The following RIMKLA variants were observed in gnomAD, a reference collection of about 807,000 sequenced individuals.
The protein encoded by RIMKLA is ribosomal modification protein rimK like family member A, also known as N-acetylaspartylglutamate synthase A.
RIMKLA carries 14 observed loss-of-function variants against 32.7 expected under a neutral mutation model. The ratio of observed to expected loss-of-function variants is 0.43; its 90% CI spans 0.28 to 0.67. The LOEUF (loss-of-function observed/expected upper bound fraction) is 0.67, where lower values mean the gene tolerates loss of function less well. RIMKLA is among the 30% of genes least tolerant of loss of function. RIMKLA has a pLI of 0.18. For synonymous variants in RIMKLA, 176 were observed against 204.1 expected (o/e 0.86, Z 1.18); for missense variants, 410 against 519.0 (o/e 0.79, Z 2.04).
intron 1 of RIMKLA, among the ~76,000 whole-genome samples, chr1:42,390,284 G>A (rs1339487791): frequency 6.6e-6 from 1 of 152,036 alleles, no homozygotes; most frequent in Non-Finnish European, 1.5e-5. Flanking sequence ...GTGATTTGCC[G>A]GCCTCAGCCT....
rs1472871854 is a variant in RIMKLA at position 42,422,741 on chromosome 1, C to T, written c.*7767C>T. 6.6e-6 allele frequency among the ~76,000 whole-genome samples: 1 copy of T among 152,132 alleles called. No homozygotes were observed. Among genetic ancestry groups the T allele is most frequent in the African/African-American group, 2.4e-5 (1 of 41,422 alleles). Reference sequence around the variant, plus strand: ...ACCCTATTCACTTGCACACCAGCTGCGTTCTGAAAAACTATAATTTTCCTT... The same window carrying T: ...ACCCTATTCACTTGCACACCAGCTGTGTTCTGAAAAACTATAATTTTCCTT... On this transcript the variant is annotated 3_prime_UTR_variant, in exon 5 of 5. Transcript: ENST00000431473.
intron 3 of RIMKLA, among the ~76,000 whole-genome samples, chr1:42,407,770 A>G (rs1408402464): frequency 6.6e-6 from 1 of 152,208 alleles, no homozygotes; most frequent in East Asian, 1.9e-4. Flanking sequence ...AATGGGATTA[A>G]CCATCCTTGT....
rs1643237740 is a variant in RIMKLA at position 42,415,391 on chromosome 1, CTAAG to C, written c.*419_*422del. On this transcript the variant is annotated 3_prime_UTR_variant, in exon 5 of 5. Transcript: ENST00000431473. ...TGTGACTGCAGTAATAGGTTCTTCA[CTAAG>C]TGTGTGTGTGATGCTTGGAAAAGAC... The C allele has an allele frequency of 5.4e-6, 1 of 185,028 alleles. No individual in the cohort carries two copies. Among genetic ancestry groups the C allele is most frequent in the African/African-American group, 2.4e-5 (1 of 42,178 alleles). The allele number at this position is 185,028 out of a possible 1,614,324, so 11.5% of individuals were successfully genotyped here.
At chr1:42,386,622 T>C (rs1478095129) in intron 1 of RIMKLA, among the ~76,000 whole-genome samples, 3 of 150,612 alleles carry the variant, frequency 2.0e-5, no homozygotes, top group East Asian at 3.9e-4. Context: ...GCGCTTGTAA[T>C]CCCAGCACTT....
chr1:42,413,954 A>G (rs2148396595), intron 4 of RIMKLA, among the ~76,000 whole-genome samples: 1 of 151,228 alleles, frequency 6.6e-6, no homozygotes, highest in South Asian at 2.1e-4. Context: ...ATGGGGTCTC[A>G]CTGTGTTGCC....
chr1:42,415,119 T>A lies in RIMKLA; in HGVS notation c.*145T>A. On this transcript the variant is annotated 3_prime_UTR_variant, in exon 5 of 5. Transcript: ENST00000431473. The stretch of plus-strand genomic sequence containing the variant: ...CTCAGCATTTTTTCTAACGATGATT[T>A]AAGCAAATGGCCTAGCTTTGTGGTT... The A allele has an allele frequency of 3.5e-6, 3 of 850,278 alleles. No homozygotes were observed. The highest frequency in any genetic ancestry group is 5.4e-6 in the Non-Finnish European group (3 of 555,908). 52.7% of individuals were successfully genotyped at this position (850,278 alleles called of 1,614,324 possible). A position where few individuals can be genotyped will look rare whatever the true frequency, so the allele number is the denominator to read the frequency against.
rs1557749878 is a variant in RIMKLA at position 42,385,838 on chromosome 1, T to TCTC, written c.163+4741_163+4742insCTC. On this transcript the variant is annotated intron_variant, in intron 1 of 4. Coordinates refer to ENST00000431473, the MANE Select transcript of RIMKLA (RefSeq NM_173642.4). ...TTCCTTCCTTCCTTCCTTTCTTTCTTTCTTTCTCTTTCTTTCTTTCTTTCT... is the reference window on the plus strand; with the variant it reads ...TTCCTTCCTTCCTTCCTTTCTTTCTTCTCTCTTTCTCTTTCTTTCTTTCTTTCT... 1.6e-4 allele frequency among the ~76,000 whole-genome samples: 11 copies of TCTC among 69,576 alleles called. 1 individual carries two copies. Among genetic ancestry groups the TCTC allele is most frequent in the African/African-American group, 4.0e-4 (9 of 22,600 alleles). 45.6% of individuals were successfully genotyped at this position (69,576 alleles called of 152,430 possible). A position where few individuals can be genotyped will look rare whatever the true frequency, so the allele number is the denominator to read the frequency against.
At chr1:42,403,166 G>A (rs564066883) in intron 2 of RIMKLA, among the ~76,000 whole-genome samples, 1 of 150,126 alleles carries the variant, frequency 6.7e-6, no homozygotes, top group Non-Finnish European at 1.5e-5. Flanking sequence ...GAATGGGAAA[G>A]CCCTCCAGAC....
At chr1:42,381,166 C>A in intron 1 of RIMKLA, 69 bp downstream of exon 1, 1 of 1,171,660 alleles carries the variant, frequency 8.5e-7, no homozygotes, top group Non-Finnish European at 1.1e-6. Flanking sequence ...CGGGTGGGCG[C>A]GCTCGCCGGG....
At chr1:42,397,602 G>T (rs1348380466) in intron 1 of RIMKLA, among the ~76,000 whole-genome samples, 1 of 152,052 alleles carries the variant, frequency 6.6e-6, no homozygotes, top group Non-Finnish European at 1.5e-5. Context: ...ATGCACACTT[G>T]TAGTCCCAAC....
At chr1:42,401,031 A>G (rs1028966279) in intron 2 of RIMKLA, among the ~76,000 whole-genome samples, 3 of 152,030 alleles carry the variant, frequency 2.0e-5, no homozygotes, top group Admixed American at 6.6e-5. Flanking sequence ...TTCATGGAAG[A>G]CGATTTTTCC....
intron 1 of RIMKLA, among the ~76,000 whole-genome samples, chr1:42,396,242 A>G (rs1643046068): frequency 6.7e-6 from 1 of 149,710 alleles, no homozygotes; most frequent in Non-Finnish European, 1.5e-5. Flanking sequence ...ATCTCAAAAA[A>G]AAAAAAAAAA....
rs1288438237 is a variant in RIMKLA at position 42,419,385 on chromosome 1, G to A, written c.*4411G>A. Reference sequence around the variant, plus strand: ...GCTCCAGGGCAACACTAAGAAAGTCGCTTATGATCCCCATTTGAGACCATG... The same window carrying A: ...GCTCCAGGGCAACACTAAGAAAGTCACTTATGATCCCCATTTGAGACCATG... On this transcript the variant is annotated 3_prime_UTR_variant, in exon 5 of 5. Transcript: ENST00000431473. 2 of 152,168 alleles carry A rather than the reference G, an allele frequency of 1.3e-5. No individual in the cohort carries two copies. Among genetic ancestry groups the A allele is most frequent in the African/African-American group, 2.4e-5 (1 of 41,422 alleles). The allele number at this position is 152,168 out of a possible 1,614,324, so 9.4% of individuals were successfully genotyped here. A position where few individuals can be genotyped will look rare whatever the true frequency, so the allele number is the denominator to read the frequency against.
Position 42,385,797 on chromosome 1 carries a change from T to TTCTC in RIMKLA, c.163+4708_163+4711dup, listed in dbSNP as rs915499934. Among the ~76,000 whole-genome samples the TTCTC allele has an allele frequency of 2.6e-5, 3 of 114,388 alleles. 1 individual carries two copies. Among genetic ancestry groups the TTCTC allele is most frequent in the African/African-American group, 9.2e-5 (3 of 32,600 alleles). 75.0% of individuals were successfully genotyped at this position (114,388 alleles called of 152,430 possible). A position where few individuals can be genotyped will look rare whatever the true frequency, so the allele number is the denominator to read the frequency against. ...TTTCTTTGTTTGTTTGTTTCTTTCT[T>TTCTC]TCTCTCTCTCTTTCCTTCCTTCCTT... On this transcript the variant is annotated intron_variant, in intron 1 of 4. Transcript: ENST00000431473.
rs1203630969 is a variant in RIMKLA at position 42,385,840 on chromosome 1, CTTTCTCTTTCTT to C, written c.163+4745_163+4756del. ...CCTTCCTTCCTTCCTTTCTTTCTTTCTTTCTCTTTCTTTCTTTCTTTCTTTCTTTCTTTCTTT... is the reference window on the plus strand; with the variant it reads ...CCTTCCTTCCTTCCTTTCTTTCTTTCTCTTTCTTTCTTTCTTTCTTTCTTT... On this transcript the variant is annotated intron_variant, in intron 1 of 4. Transcript: ENST00000431473. 4.9e-4 allele frequency among the ~76,000 whole-genome samples: 32 copies of C among 64,704 alleles called. 5 individuals are homozygous for C. Among genetic ancestry groups the C allele is most frequent in the South Asian group, 1.7e-3 (4 of 2,314 alleles). The allele number at this position is 64,704 out of a possible 152,430, so 42.4% of individuals were successfully genotyped here. A position where few individuals can be genotyped will look rare whatever the true frequency, so the allele number is the denominator to read the frequency against.
intron 1 of RIMKLA, among the ~76,000 whole-genome samples, chr1:42,397,599 C>A (rs756263515): frequency 2.1e-4 from 32 of 152,102 alleles, no homozygotes; most frequent in Non-Finnish European, 4.0e-4. Context: ...GTGATGCACA[C>A]TTGTAGTCCC....
At chr1:42,402,852 G>C (rs113077147) in intron 2 of RIMKLA, among the ~76,000 whole-genome samples, 3 of 152,048 alleles carry the variant, frequency 2.0e-5, no homozygotes, top group Admixed American at 1.3e-4. Context: ...CGGCGCCCAC[G>C]AAGTGCTGGG....
rs1182938995 is a variant in RIMKLA at position 42,419,291 on chromosome 1, T to G, written c.*4317T>G. ...GTACAGCTCCTGTGCCAATATGCACTGTCTCAAGCCCTGTGCTGGCATTCC... is the reference window on the plus strand; with the variant it reads ...GTACAGCTCCTGTGCCAATATGCACGGTCTCAAGCCCTGTGCTGGCATTCC... On this transcript the variant is annotated 3_prime_UTR_variant, in exon 5 of 5. Coordinates refer to ENST00000431473, the MANE Select transcript of RIMKLA (RefSeq NM_173642.4). 1 of 152,228 alleles carries G rather than the reference T, an allele frequency of 6.6e-6. No individual in the cohort carries two copies. The highest frequency in any genetic ancestry group is 2.4e-5 in the African/African-American group (1 of 41,446). The allele number at this position is 152,228 out of a possible 1,614,324, so 9.4% of individuals were successfully genotyped here.
chr1:42,395,807 G>A (rs550985212), intron 1 of RIMKLA, among the ~76,000 whole-genome samples: 3 of 152,276 alleles, frequency 2.0e-5, no homozygotes, highest in East Asian at 1.9e-4. Context: ...AACCCAAATT[G>A]TCCTTGGCCA....
Sources: allele counts gnomAD v4.1 joint callset (sites outside exome capture counted in the v4.1 genomes callset), GRCh38; gene constraint gnomAD v4.1.1; transcripts MANE v1.5; gene names NCBI Gene and HGNC (gene_info 2026-07-23, HGNC 2026-07-21).